Variants in GRIA1 observed in about 807,000 individuals in gnomAD.
GRIA1 encodes the protein glutamate ionotropic receptor AMPA type subunit 1.
In GRIA1, 31 loss-of-function variants were observed where a neutral mutation model predicts 99.2. The observed-to-expected ratio is 0.31, with a 90% confidence interval of 0.23 to 0.42. GRIA1 has a LOEUF of 0.42. Ranked by LOEUF, GRIA1 falls within the 10% of genes least tolerant of loss-of-function variation. GRIA1 has a pLI of 1.00. For missense variants in GRIA1, 782 were observed against 1,157.5 expected (o/e 0.68, Z 4.71); for synonymous variants, 438 against 432.4 (o/e 1.01, Z -0.16).
Position 153,811,295 on chromosome 5 carries a change from C to A in GRIA1, c.*70C>A. The A allele has an allele frequency of 3.8e-6, 4 of 1,058,596 alleles. No individual in the cohort carries two copies. Among genetic ancestry groups the A allele is most frequent in the African/African-American group, 1.6e-5 (1 of 63,594 alleles). 65.6% of individuals were successfully genotyped at this position (1,058,596 alleles called of 1,614,324 possible). On this transcript the variant is annotated 3_prime_UTR_variant, in exon 16 of 16. Transcript: ENST00000285900. ...AGCCCCATCCCAAACCCTTCAGTGC[C>A]AAAAACAACAACAAAATGAAACGCA...
intron 2 of GRIA1, among the ~76,000 whole-genome samples, chr5:153,646,084 T>C (rs1205487209): frequency 6.6e-6 from 1 of 152,220 alleles, no homozygotes; most frequent in African/African-American, 2.4e-5. Context: ...ACCTTGGTCT[T>C]ATTAGCATCG....
At chr5:153,583,106 T>C (rs1034762609) in intron 2 of GRIA1, among the ~76,000 whole-genome samples, 1 of 152,112 alleles carries the variant, frequency 6.6e-6, no homozygotes, top group African/African-American at 2.4e-5. Flanking sequence ...CTAATTGTAG[T>C]ATTTTTGGTA....
intron 12 of GRIA1, among the ~76,000 whole-genome samples, chr5:153,768,045 C>T (rs980489593): frequency 6.6e-6 from 1 of 152,224 alleles, no homozygotes; most frequent in African/African-American, 2.4e-5. Flanking sequence ...TCCATACTGT[C>T]AGGTCAAATT....
Position 153,793,733 on chromosome 5 carries a change from T to C in GRIA1, c.2271-888T>C, listed in dbSNP as rs969090017. Among the ~76,000 whole-genome samples, 3 of 152,208 alleles carry C rather than the reference T, an allele frequency of 2.0e-5. No homozygotes were observed. The East Asian group carries it at 5.8e-4, about 29-fold the overall frequency. ...TGCAGATGGCCCTGGATATGTTATA[T>C]GTACATGTTGTCATTGATGTGGCCA... On this transcript the variant is annotated intron_variant, in intron 13 of 15. Transcript: ENST00000285900.
rs74568722 is a variant in GRIA1, at chr5:153,783,331, G to T, written c.2271-11290G>T. Among the ~76,000 whole-genome samples the T allele has an allele frequency of 6.8e-4, 104 of 152,086 alleles. 1 individual carries two copies. Among genetic ancestry groups the T allele is most frequent in the African/African-American group, 2.2e-3 (92 of 41,452 alleles). On this transcript the variant is annotated intron_variant, in intron 13 of 15. Transcript: ENST00000285900. Reference sequence around the variant, plus strand: ...TCATTCATTCCCTCTGTTATCTTTTGTCAAGCATCTCCAAGGTATCTGACA... The same window carrying T: ...TCATTCATTCCCTCTGTTATCTTTTTTCAAGCATCTCCAAGGTATCTGACA...
In GRIA1 at chr5:153,811,539, T is replaced by C; in HGVS notation, c.*314T>C. ...GAGAGTAGAGTCACTGGAACACTAATGAGGAAACTGCACTGTTTTATTTTA... is the reference window on the plus strand; with the variant it reads ...GAGAGTAGAGTCACTGGAACACTAACGAGGAAACTGCACTGTTTTATTTTA... On this transcript the variant is annotated 3_prime_UTR_variant, in exon 16 of 16. Transcript: ENST00000285900. 1 of 319,042 alleles carries C rather than the reference T, an allele frequency of 3.1e-6. No homozygotes were observed. Among genetic ancestry groups the C allele is most frequent in the South Asian group, 3.4e-5 (1 of 29,490 alleles). The allele number at this position is 319,042 out of a possible 1,614,324, so 19.8% of individuals were successfully genotyped here.
chr5:153,630,719 T>A (rs2149435200), intron 2 of GRIA1, among the ~76,000 whole-genome samples: 1 of 152,256 alleles, frequency 6.6e-6, no homozygotes, highest in Non-Finnish European at 1.5e-5. Context: ...TCTGGCCTTA[T>A]CTCCTTAGCT....
chr5:153,600,928 G>A (rs1366929199), intron 2 of GRIA1, among the ~76,000 whole-genome samples: 1 of 152,094 alleles, frequency 6.6e-6, no homozygotes, highest in Non-Finnish European at 1.5e-5. Context: ...TCCTAGCCTC[G>A]GGGCACTTCT....
intron 11 of GRIA1, among the ~76,000 whole-genome samples, chr5:153,748,082 A>G (rs1035998783): frequency 4.6e-5 from 7 of 152,232 alleles, no homozygotes; most frequent in African/African-American, 1.7e-4. Context: ...GAAGTTACAC[A>G]TTAGTGGAGG....
At chr5:153,671,429 C>T (rs544792270) in intron 5 of GRIA1, among the ~76,000 whole-genome samples, 2 of 152,246 alleles carry the variant, frequency 1.3e-5, no homozygotes, top group South Asian at 4.2e-4. Context: ...AGCTTTTAAC[C>T]AGTGCTGGGG....
At chr5:153,670,564 A>C (rs1465014112) in intron 5 of GRIA1, among the ~76,000 whole-genome samples, 1 of 152,140 alleles carries the variant, frequency 6.6e-6, no homozygotes, top group East Asian at 1.9e-4. Flanking sequence ...TAAAATTTTT[A>C]ATAGAATATA....
intron 2 of GRIA1, among the ~76,000 whole-genome samples, chr5:153,539,717 C>T (rs751896948): frequency 2.6e-5 from 4 of 152,206 alleles, no homozygotes; most frequent in Non-Finnish European, 5.9e-5. Flanking sequence ...TTCTAAGCTC[C>T]ATCCAAGATA....
intron 2 of GRIA1, among the ~76,000 whole-genome samples, chr5:153,614,828 C>T (rs548807625): frequency 6.6e-4 from 101 of 152,152 alleles, no homozygotes; most frequent in Middle Eastern, 3.4e-3. Flanking sequence ...ATGAGAGGGA[C>T]GCTGTGATAT....
In GRIA1 at chr5:153,617,962, G is replaced by A. The variant is rs183348180; in HGVS notation, c.221-28966G>A. 6.6e-5 allele frequency among the ~76,000 whole-genome samples: 10 copies of A among 152,298 alleles called. 1 individual carries two copies. Among genetic ancestry groups the A allele is most frequent in the South Asian group, 2.1e-4 (1 of 4,830 alleles). On this transcript the variant is annotated intron_variant, in intron 2 of 15. Coordinates refer to ENST00000285900, the MANE Select transcript of GRIA1 (RefSeq NM_000827.4). Reference sequence around the variant, plus strand: ...GCTCACTATTTCTTCAACTTAGAACGCCCACTTTCTATTATGATCATTAAA... The same window carrying A: ...GCTCACTATTTCTTCAACTTAGAACACCCACTTTCTATTATGATCATTAAA...
intron 5 of GRIA1, among the ~76,000 whole-genome samples, chr5:153,656,760 A>G (rs935549917): frequency 3.3e-5 from 5 of 152,198 alleles, no homozygotes; most frequent in African/African-American, 1.2e-4. Flanking sequence ...GGTTTTCAAT[A>G]TATTCACAAA....
intron 11 of GRIA1, among the ~76,000 whole-genome samples, chr5:153,727,916 C>T (rs201752230): frequency 3.3e-5 from 5 of 151,208 alleles, no homozygotes; most frequent in African/African-American, 1.2e-4. Flanking sequence ...AAAGAGCCCG[C>T]ATCGCCAAGT....
chr5:153,619,611 A>C (rs1374710608), intron 2 of GRIA1, among the ~76,000 whole-genome samples: 2 of 152,178 alleles, frequency 1.3e-5, no homozygotes, highest in Non-Finnish European at 2.9e-5. Flanking sequence ...GGCAGCAAGC[A>C]ATGAGGACTA....
chr5:153,802,752 G>A (rs1766139525), intron 15 of GRIA1, among the ~76,000 whole-genome samples: 1 of 152,206 alleles, frequency 6.6e-6, no homozygotes. Context: ...TTGAAGGCTA[G>A]TGGTTTACAT....
chr5:153,513,524 C>T (rs1406478048), intron 2 of GRIA1, among the ~76,000 whole-genome samples: 1 of 152,110 alleles, frequency 6.6e-6, no homozygotes, highest in Non-Finnish European at 1.5e-5. Context: ...CTTAATTTGT[C>T]CTGAGTCAGT....
Sources: gnomAD v4.1 joint callset for allele counts (sites outside exome capture counted in the v4.1 genomes callset) on GRCh38, gnomAD v4.1.1 for gene constraint, MANE v1.5 for transcripts, NCBI Gene and HGNC (gene_info 2026-07-23, HGNC 2026-07-21) for gene names.